Variants in ANKRD26 observed in about 807,000 individuals in gnomAD.
The protein encoded by ANKRD26 is ankyrin repeat domain-containing protein 26.
A neutral mutation model predicts 208.7 loss-of-function variants in ANKRD26; 141 were observed. That is an observed-to-expected ratio of 0.68 (90% confidence interval 0.59 to 0.78). ANKRD26 has a LOEUF of 0.78. Ranked by LOEUF, ANKRD26 falls within the 30% of genes least tolerant of loss-of-function variation. The pLI, the probability that ANKRD26 is intolerant of heterozygous loss-of-function variation, is 0.00. For synonymous variants in ANKRD26, 636 were observed against 660.4 expected (o/e 0.96, Z 0.57); for missense variants, 1,889 against 1,938.7 (o/e 0.97, Z 0.48).
intron 29 of ANKRD26, among the ~76,000 whole-genome samples, chr10:27,021,452 T>C (rs2183334): frequency 0.49 from 74,695 of 152,116 alleles, 20,396 homozygotes; most frequent in Non-Finnish European, 0.62. Context: ...CTGGCATTTG[T>C]TATTTTTTGT....
chr10:27,056,943 T>A (rs557840926), intron 15 of ANKRD26, among the ~76,000 whole-genome samples: 2 of 152,310 alleles, frequency 1.3e-5, no homozygotes, highest in East Asian at 3.9e-4. Flanking sequence ...TAATAGAAAC[T>A]AAGCTCCAAT....
intron 6 of ANKRD26, among the ~76,000 whole-genome samples, chr10:27,081,851 T>C (rs781730216): frequency 5.2e-4 from 79 of 151,840 alleles, no homozygotes; most frequent in Non-Finnish European, 1.0e-3. Flanking sequence ...CATTCTCCTT[T>C]CTCAGCCTCC....
At chr10:27,030,728 G>C (rs1358008139) in intron 25 of ANKRD26, 1 of 336,026 alleles carries the variant, frequency 3.0e-6, no homozygotes, top group African/African-American at 2.2e-5. Flanking sequence ...AATATATTTA[G>C]AATAACCACC....
At chr10:27,031,253 G>A (rs1293271587) in intron 25 of ANKRD26, among the ~76,000 whole-genome samples, 2 of 152,154 alleles carry the variant, frequency 1.3e-5, no homozygotes, top group African/African-American at 4.8e-5. Flanking sequence ...AATGTTCATC[G>A]CAGCATTATT....
At position 27,051,226 on chromosome 10, in the gene ANKRD26, G is replaced by A. The variant is rs1016709427; in HGVS notation, c.1635+2094C>T. On this transcript the variant is annotated intron_variant, in intron 16 of 33. Coordinates refer to ENST00000376087, the MANE Select transcript of ANKRD26 (RefSeq NM_014915.3). ...GAAGACCTCACATTTTCTAATTCAGGTTCCATGCTTTTATAGTTATTAGCA... is the reference window on the plus strand; with the variant it reads ...GAAGACCTCACATTTTCTAATTCAGATTCCATGCTTTTATAGTTATTAGCA... 10 of 1,289,606 alleles carry A rather than the reference G, an allele frequency of 7.8e-6. No individual in the cohort carries two copies. The Admixed American group carries it at 1.8e-4, about 24-fold the overall frequency. The allele number at this position is 1,289,606 out of a possible 1,614,324, so 79.9% of individuals were successfully genotyped here.
chr10:26,958,105 C>CA, the ANKRD26 span, among the ~76,000 whole-genome samples: 11 of 143,308 alleles, frequency 7.7e-5, no homozygotes, highest in African/African-American at 2.9e-4. Context: ...ATTTTTGAGA[C>CA]AGAGTGTTGC....
chr10:27,034,948 G>A lies in ANKRD26; in HGVS notation c.3502C>T (p.Gln1168Ter), dbSNP rs1281680790. 6.2e-7 allele frequency: 1 copy of A among 1,613,964 alleles called. No homozygotes were observed. The change falls in exon 24 of 34, where the codon CAA (glutamine) becomes TAA (stop). Residue 1168 changes from glutamine to a stop codon, truncating the protein, a stop_gained. Coordinates refer to ENST00000376087, the MANE Select transcript of ANKRD26 (RefSeq NM_014915.3). LOFTEE classifies it high-confidence loss of function. ...DNKEKTVINI[Q>*]DQFHAIVQKL... Reference sequence around the variant, plus strand: ...TGCACAATAGCATGAAACTGGTCTTGGATATTAATCACTGTCTTCTCTTTA... The same window carrying A: ...TGCACAATAGCATGAAACTGGTCTTAGATATTAATCACTGTCTTCTCTTTA...
rs148807527 is a variant in ANKRD26, at chr10:27,054,354, G to A, written c.1565-964C>T. On this transcript the variant is annotated intron_variant, in intron 15 of 33. Coordinates refer to ENST00000376087, the MANE Select transcript of ANKRD26 (RefSeq NM_014915.3). Reference sequence around the variant, plus strand: ...AATCCCAGCACTTTGGGAGGTCGAGGTGGGTGGATCACTTGAGGCCAGGAG... The same window carrying A: ...AATCCCAGCACTTTGGGAGGTCGAGATGGGTGGATCACTTGAGGCCAGGAG... Among the ~76,000 whole-genome samples the A allele has an allele frequency of 3.1e-3, 473 of 152,276 alleles. 4 individuals carry two copies. Among genetic ancestry groups the A allele is most frequent in the African/African-American group, 0.011 (448 of 41,562 alleles).
chr10:27,063,849 T>C lies in ANKRD26; in HGVS notation c.1363+139A>G, dbSNP rs1589313123. On this transcript the variant is annotated intron_variant, in intron 12 of 33. Transcript: ENST00000376087. ...GTTGCTGACACCTAAGATATACAACTTATCACAATTTTACCTCTCTTTATT... is the reference window on the plus strand; with the variant it reads ...GTTGCTGACACCTAAGATATACAACCTATCACAATTTTACCTCTCTTTATT... 5.6e-5 allele frequency: 41 copies of C among 736,974 alleles called. No individual in the cohort carries two copies. In the East Asian group the frequency reaches 1.1e-3, roughly 20 times the overall value. The allele number at this position is 736,974 out of a possible 1,614,324, so 45.7% of individuals were successfully genotyped here. A position where few individuals can be genotyped will look rare whatever the true frequency, so the allele number is the denominator to read the frequency against.
At chr10:27,050,752 C>T (rs1231551329) in intron 16 of ANKRD26, among the ~76,000 whole-genome samples, 2 of 152,162 alleles carry the variant, frequency 1.3e-5, no homozygotes, top group African/African-American at 4.8e-5. Context: ...TATTACCTTT[C>T]ATAAGGCAAT....
At chr10:27,017,973 A>C (rs1169737918) in intron 29 of ANKRD26, among the ~76,000 whole-genome samples, 181 bp from the exon 30 acceptor site, 2 of 152,140 alleles carry the variant, frequency 1.3e-5, no homozygotes, top group Non-Finnish European at 2.9e-5. Context: ...AGTCAAAGCC[A>C]CCAGGAGTCA....
At chr10:27,033,543 T>C (rs1589249804) in intron 24 of ANKRD26, among the ~76,000 whole-genome samples, 166 bp from the exon 25 acceptor site, 1 of 152,244 alleles carries the variant, frequency 6.6e-6, no homozygotes, top group Admixed American at 6.5e-5. Context: ...TGCTGTTTAT[T>C]ACTGAATTCA....
intron 17 of ANKRD26, 140 bp from the exon 18 acceptor site, chr10:27,046,663 A>G (rs762173267): frequency 3.3e-5 from 28 of 853,602 alleles, no homozygotes; most frequent in African/African-American, 5.2e-5. Flanking sequence ...AACAAAGAAT[A>G]AAAATAATTT....
intron 18 of ANKRD26, among the ~76,000 whole-genome samples, chr10:27,045,013 C>G (rs769820649): frequency 2.6e-5 from 4 of 152,054 alleles, no homozygotes; most frequent in African/African-American, 4.8e-5. Flanking sequence ...AATAAAAAGA[C>G]CTTAAATCTA....
chr10:27,048,286 T>C (rs1182874651), intron 17 of ANKRD26, among the ~76,000 whole-genome samples: 12 of 152,228 alleles, frequency 7.9e-5, no homozygotes, highest in African/African-American at 2.9e-4. Context: ...AACATGTGTA[T>C]ATATGTAATG....
intron 29 of ANKRD26, among the ~76,000 whole-genome samples, chr10:27,021,656 T>C (rs1380380692): frequency 6.6e-6 from 1 of 152,194 alleles, no homozygotes; most frequent in African/African-American, 2.4e-5. Context: ...TGCTGTCGAG[T>C]TGAGTTCCTT....
In ANKRD26 at chr10:27,038,147, C is replaced by T. The variant is rs571603004; in HGVS notation, c.2376-93G>A. ...CCGCTTTGTATGTTGGTTTATTACC[C>T]TAATACAATTTCTATGTTCTTGAAT... is the stretch of plus-strand genomic sequence containing the variant. On this transcript the variant is annotated intron_variant, in intron 21 of 33. Transcript: ENST00000376087. 35 of 976,838 alleles carry T rather than the reference C, an allele frequency of 3.6e-5. No homozygotes were observed. The South Asian group carries it at 4.3e-4, about 12-fold the overall frequency. The allele number at this position is 976,838 out of a possible 1,614,324, so 60.5% of individuals were successfully genotyped here. A position where few individuals can be genotyped will look rare whatever the true frequency, so the allele number is the denominator to read the frequency against.
chr10:27,050,133 T>C (rs957954168), intron 16 of ANKRD26, among the ~76,000 whole-genome samples: 4 of 145,620 alleles, frequency 2.7e-5, no homozygotes, highest in African/African-American at 1.0e-4. Flanking sequence ...GGCAGGATAA[T>C]TGCTTGAACC....
intron 20 of ANKRD26, 133 bp from the exon 21 acceptor site, chr10:27,040,311 T>G: frequency 1.4e-6 from 1 of 697,084 alleles, no homozygotes; most frequent in Non-Finnish European, 2.4e-6. Flanking sequence ...GACATTAAAC[T>G]AAGCTCTGAA....
Sources: allele counts gnomAD v4.1 joint callset (sites outside exome capture counted in the v4.1 genomes callset), GRCh38; gene constraint gnomAD v4.1.1; transcripts MANE v1.5; gene names NCBI Gene and HGNC (gene_info 2026-07-23, HGNC 2026-07-21).